The following VRK2 variants were observed in gnomAD, a reference collection of about 807,000 sequenced individuals.
VRK2 encodes VRK serine/threonine kinase 2, also known as serine/threonine-protein kinase VRK2.
VRK2 carries 60 observed loss-of-function variants against 57.6 expected under a neutral mutation model. The ratio of observed to expected loss-of-function variants is 1.04; its 90% CI spans 0.85 to 1.29. VRK2 has a LOEUF of 1.29. Ranked by LOEUF, VRK2 falls within the 50% of genes most tolerant of loss-of-function variation. The pLI, the probability that VRK2 is intolerant of heterozygous loss-of-function variation, is 0.00. For synonymous variants in VRK2, 231 were observed against 199.2 expected (o/e 1.16, Z -1.35); for missense variants, 705 against 588.1 (o/e 1.20, Z -2.06).
chr2:58,127,436 A>G (rs1461448056), intron 8 of VRK2, among the ~76,000 whole-genome samples: 1 of 152,180 alleles, frequency 6.6e-6, no homozygotes, highest in African/African-American at 2.4e-5. Context: ...GGCTTAATTT[A>G]AAAGGTACTG....
rs1311781124 is a variant in VRK2 at position 58,048,915 on chromosome 2, G to A, written c.84G>A (p.Gln28=). Reference sequence around the variant, plus strand: ...TTCTGGATGATATGGAAGGCAATCAGTGGGTACTGGGCAAGAAGATTGGCT... The same window carrying A: ...TTCTGGATGATATGGAAGGCAATCAATGGGTACTGGGCAAGAAGATTGGCT... The part of the protein sequence containing the change: ...GKVLDDMEGN[Q]WVLGKKIGSG... The change falls in exon 2 of 13, where the codon CAG becomes CAA. Residue 28 remains glutamine, a synonymous_variant. Coordinates refer to ENST00000340157, the MANE Select transcript of VRK2 (RefSeq NM_006296.7). The A allele has an allele frequency of 6.2e-7, 1 of 1,613,844 alleles. No individual in the cohort carries two copies. Among genetic ancestry groups the A allele is most frequent in the Non-Finnish European group, 8.5e-7 (1 of 1,179,930 alleles).
At chr2:58,119,389 A>T (rs946618730) in intron 7 of VRK2, among the ~76,000 whole-genome samples, 27 of 151,358 alleles carry the variant, frequency 1.8e-4, no homozygotes, top group African/African-American at 6.6e-4. Context: ...AGGCAGGAGA[A>T]ACTCTGGAAC....
chr2:57,946,350 G>A (rs937968784), intron 1 of VRK2, among the ~76,000 whole-genome samples: 2 of 151,762 alleles, frequency 1.3e-5, no homozygotes, highest in Admixed American at 6.6e-5. Context: ...AACTTTTTAT[G>A]AGTATTTACA....
At chr2:58,025,149 G>A (rs1257412566) in intron 1 of VRK2, among the ~76,000 whole-genome samples, 1 of 152,068 alleles carries the variant, frequency 6.6e-6, no homozygotes, top group Non-Finnish European at 1.5e-5. Context: ...AACTTCCTAG[G>A]TTCAAATCCT....
chr2:57,952,426 G>A (rs1042258416), intron 1 of VRK2, among the ~76,000 whole-genome samples: 1 of 152,132 alleles, frequency 6.6e-6, no homozygotes, highest in South Asian at 2.1e-4. Flanking sequence ...TAACAAAAAC[G>A]AAAGAGGGAA....
Position 58,048,880 on chromosome 2 carries a change from G to C in VRK2, c.49G>C (p.Glu17Gln). 2 of 1,613,950 alleles carry C rather than the reference G, an allele frequency of 1.2e-6. No individual in the cohort carries two copies. Among genetic ancestry groups the C allele is most frequent in the Non-Finnish European group, 1.7e-6 (2 of 1,179,932 alleles). ...EKYKLPIPFP[E>Q]GKVLDDMEGN... ...ATACAAACTTCCTATTCCATTTCCA[G>C]AAGGCAAGGTTCTGGATGATATGGA... The change falls in exon 2 of 13, where the codon GAA becomes CAA. Residue 17 changes from glutamate to glutamine, a missense_variant. Physicochemically the swap from Glu to Gln is conservative, Grantham distance 29 (BLOSUM62 2). Coordinates refer to ENST00000340157, the MANE Select transcript of VRK2 (RefSeq NM_006296.7).
chr2:58,151,062 A>T lies in VRK2; in HGVS notation c.1182+4588A>T, dbSNP rs569346813. 1.4e-3 allele frequency among the ~76,000 whole-genome samples: 217 copies of T among 151,836 alleles called. 1 individual carries two copies. The highest frequency in any genetic ancestry group is 5.1e-3 in the African/African-American group (210 of 41,556). Reference sequence around the variant, plus strand: ...ACCAAGGAAAAGGCCTAGTTTAGTGAATGTTCCTTGTATACTTATGAAGTT... The same window carrying T: ...ACCAAGGAAAAGGCCTAGTTTAGTGTATGTTCCTTGTATACTTATGAAGTT... On this transcript the variant is annotated intron_variant, in intron 12 of 12. Coordinates refer to ENST00000340157, the MANE Select transcript of VRK2 (RefSeq NM_006296.7).
intron 12 of VRK2, among the ~76,000 whole-genome samples, chr2:58,146,773 T>TAGGGA (rs1183649059): frequency 6.6e-6 from 1 of 152,032 alleles, no homozygotes; most frequent in African/African-American, 2.4e-5. Context: ...CTCAATGTAT[T>TAGGGA]CTATACTTTT....
intron 12 of VRK2, among the ~76,000 whole-genome samples, chr2:58,158,327 GTTAT>G (rs976642914): frequency 1.3e-5 from 2 of 152,226 alleles, no homozygotes; most frequent in East Asian, 1.9e-4. Context: ...TTTAAAATGA[GTTAT>G]TTAACTCTAA....
At chr2:57,965,533 A>G (rs928168358) in intron 1 of VRK2, among the ~76,000 whole-genome samples, 6 of 152,262 alleles carry the variant, frequency 3.9e-5, no homozygotes, top group African/African-American at 1.4e-4. Flanking sequence ...TTCTGATCAT[A>G]CAAAGCAGTC....
intron 8 of VRK2, among the ~76,000 whole-genome samples, chr2:58,124,551 A>C (rs181082856): frequency 6.4e-4 from 98 of 152,354 alleles, no homozygotes; most frequent in African/African-American, 2.3e-3. Context: ...AGATATTTGC[A>C]CTTCTTAATG....
intron 1 of VRK2, among the ~76,000 whole-genome samples, chr2:57,934,762 T>C (rs1318112496): frequency 6.6e-6 from 1 of 152,186 alleles, no homozygotes; most frequent in Non-Finnish European, 1.5e-5. Context: ...TTCCTTCTCA[T>C]TCTTTTTTTT....
At chr2:58,076,136 TA>T (rs1218343583) in intron 2 of VRK2, among the ~76,000 whole-genome samples, 27 of 150,932 alleles carry the variant, frequency 1.8e-4, no homozygotes, top group African/African-American at 6.6e-4. Context: ...GTCTATATTT[TA>T]TAGCTGTTTT....
chr2:58,159,720 ATTT>A lies in VRK2; in HGVS notation c.*31_*33del. The A allele has an allele frequency of 6.2e-7, 1 of 1,611,934 alleles. No individual in the cohort carries two copies. The highest frequency in any genetic ancestry group is 8.5e-7 in the Non-Finnish European group (1 of 1,179,338). ...GATGATACCAAAATTCCTTTTGATA[ATTT>A]TTTAAGTTTCCAGCTCTTCACCGAA... is the stretch of plus-strand genomic sequence containing the variant. On this transcript the variant is annotated 3_prime_UTR_variant, in exon 13 of 13. Transcript: ENST00000340157.
At chr2:58,075,272 ACTTT>A (rs1669932996) in intron 2 of VRK2, among the ~76,000 whole-genome samples, 1 of 152,072 alleles carries the variant, frequency 6.6e-6, no homozygotes, top group South Asian at 2.1e-4. Context: ...TATGTACCAC[ACTTT>A]CTTTATATAG....
At chr2:57,966,435 T>C (rs1671919435) in intron 1 of VRK2, among the ~76,000 whole-genome samples, 1 of 152,198 alleles carries the variant, frequency 6.6e-6, no homozygotes, top group Non-Finnish European at 1.5e-5. Flanking sequence ...TGTTATGTTT[T>C]TGTTTTTGAG....
At chr2:57,935,801 G>A (rs1464688778) in intron 1 of VRK2, among the ~76,000 whole-genome samples, 1 of 152,314 alleles carries the variant, frequency 6.6e-6, no homozygotes, top group South Asian at 2.1e-4. Context: ...TCTGTCATTA[G>A]AGAAACTGCA....
At chr2:57,958,999 T>C (rs1420010997) in intron 1 of VRK2, among the ~76,000 whole-genome samples, 1 of 152,232 alleles carries the variant, frequency 6.6e-6, no homozygotes, top group Non-Finnish European at 1.5e-5. Context: ...TGGATATGTG[T>C]AGCATATTAC....
chr2:58,094,523 C>G (rs1672845825), intron 7 of VRK2, among the ~76,000 whole-genome samples: 1 of 152,180 alleles, frequency 6.6e-6, no homozygotes, highest in African/African-American at 2.4e-5. Flanking sequence ...TATCCTGAGA[C>G]TTTGCTGAAG....
Sources: allele counts gnomAD v4.1 joint callset (sites outside exome capture counted in the v4.1 genomes callset), GRCh38; gene constraint gnomAD v4.1.1; transcripts MANE v1.5; gene names NCBI Gene and HGNC (gene_info 2026-07-23, HGNC 2026-07-21).